SPRED3: variants seen among roughly 807,000 people sequenced by gnomAD.
The protein encoded by SPRED3 is sprouty related EVH1 domain containing 3.
SPRED3 carries 23 observed loss-of-function variants against 37.6 expected under a neutral mutation model. The ratio of observed to expected loss-of-function variants is 0.61; its 90% CI spans 0.44 to 0.87. SPRED3 has a LOEUF of 0.87. Ranked by LOEUF, SPRED3 falls within the 40% of genes least tolerant of loss-of-function variation. SPRED3 has a pLI of 0.00. For synonymous variants in SPRED3, 302 were observed against 279.6 expected (o/e 1.08, Z -0.80); for missense variants, 584 against 618.6 (o/e 0.94, Z 0.59).
chr19:38,393,410 C>G (rs939420111), intron 4 of SPRED3, among the ~76,000 whole-genome samples: 2 of 146,012 alleles, frequency 1.4e-5, no homozygotes, highest in Non-Finnish European at 3.0e-5. Context: ...TGCAGGGGCA[C>G]GATCTTGGCT....
intron 4 of SPRED3, among the ~76,000 whole-genome samples, chr19:38,394,025 A>T (rs1471880526): frequency 6.6e-6 from 1 of 152,232 alleles, no homozygotes; most frequent in Admixed American, 6.5e-5. Flanking sequence ...GGTCTTCGTG[A>T]GTCTGGCACG....
rs369044035 is a variant in SPRED3 at position 38,390,316 on chromosome 19, G to C, written c.14G>C (p.Arg5Pro). 1 of 1,363,996 alleles carries C rather than the reference G, an allele frequency of 7.3e-7. No individual in the cohort carries two copies. Among genetic ancestry groups the C allele is most frequent in the African/African-American group, 1.5e-5 (1 of 66,572 alleles). 84.5% of individuals were successfully genotyped at this position (1,363,996 alleles called of 1,614,324 possible). A position where few individuals can be genotyped will look rare whatever the true frequency, so the allele number is the denominator to read the frequency against. The change falls in exon 2 of 6, where the codon CGA (arginine) becomes CCA (proline). Residue 5 changes from arginine (R) to proline (P), a missense_variant. Arg to Pro is a moderately radical substitution (Grantham distance 103). This residue lies in a region of SPRED3 where 20 missense variants were observed against 39.0 expected (regional missense o/e 0.51). Coordinates refer to ENST00000691638, the MANE Select transcript of SPRED3 (RefSeq NM_001394336.1). ...TCCTGCAGGTACATGGTGCGGGTCC[G>C]AGCTGTGGTGATGGCCCGAGATGAC... is the stretch of plus-strand genomic sequence containing the variant. MVRVRAVVMARDDSS... is the reference protein window; with the variant it reads MVRVPAVVMARDDSS...
chr19:38,394,444 G>A (rs1970868533), intron 4 of SPRED3, 199 bp from the exon 5 acceptor site: 1 of 1,504,016 alleles, frequency 6.6e-7, no homozygotes, highest in Middle Eastern at 1.7e-4. Flanking sequence ...TAGGATCCCC[G>A]TTTTACAGAG....
Position 38,394,639 on chromosome 19 carries a change from C to T in SPRED3, c.424-4C>T, listed in dbSNP as rs1314643984. 6.3e-7 allele frequency: 1 copy of T among 1,593,366 alleles called. No homozygotes were observed. The highest frequency in any genetic ancestry group is 8.5e-7 in the Non-Finnish European group (1 of 1,174,670). ...CCCGCGCTGAGGCCGCCAATCTCCT[C>T]CAGTCCCACGTGGACAGCGACTCCT... On this transcript the variant is annotated splice_region_variant and splice_polypyrimidine_tract_variant and intron_variant, in intron 4 of 5. Transcript: ENST00000691638.
At chr19:38,390,622 T>G in intron 2 of SPRED3, 143 bp downstream of exon 2, 1 of 635,128 alleles carries the variant, frequency 1.6e-6, no homozygotes, top group Non-Finnish European at 2.4e-6. Flanking sequence ...ATCTGTCCTG[T>G]AGATAAGAGT....
rs1346664244 is a variant in SPRED3 at position 38,397,754 on chromosome 19, C to A, written c.*1609C>A. 3 of 152,118 alleles carry A rather than the reference C, an allele frequency of 2.0e-5. No homozygotes were observed. The highest frequency in any genetic ancestry group is 7.2e-5 in the African/African-American group (3 of 41,414). The allele number at this position is 152,118 out of a possible 1,614,324, so 9.4% of individuals were successfully genotyped here. ...TACCCCTTTATCTTAGGGTGGGATCCCTACCATTTGGAACTCATTGTAGGA... is the reference window on the plus strand; with the variant it reads ...TACCCCTTTATCTTAGGGTGGGATCACTACCATTTGGAACTCATTGTAGGA... On this transcript the variant is annotated 3_prime_UTR_variant, in exon 6 of 6. Coordinates refer to ENST00000691638, the MANE Select transcript of SPRED3 (RefSeq NM_001394336.1).
At chr19:38,392,486 G>C (rs1246930615) in intron 4 of SPRED3, 198 bp downstream of exon 4, 1 of 607,892 alleles carries the variant, frequency 1.6e-6, no homozygotes, top group African/African-American at 1.8e-5. Context: ...GTTCATTCAA[G>C]GGTCCTTATT....
At position 38,398,439 on chromosome 19, in the gene SPRED3, T is replaced by C. The variant is rs1289931532; in HGVS notation, c.*2294T>C. The C allele has an allele frequency of 1.3e-5, 2 of 152,192 alleles. No homozygotes were observed. Among genetic ancestry groups the C allele is most frequent in the Non-Finnish European group, 1.5e-5 (1 of 68,074 alleles). 9.4% of individuals were successfully genotyped at this position (152,192 alleles called of 1,614,324 possible). A position where few individuals can be genotyped will look rare whatever the true frequency, so the allele number is the denominator to read the frequency against. ...TTTGAGTAGAGACAGGGTTTCACCA[T>C]GTTGGCCAGGATGGTCTCAAACTCC... On this transcript the variant is annotated 3_prime_UTR_variant, in exon 6 of 6. Coordinates refer to ENST00000691638, the MANE Select transcript of SPRED3 (RefSeq NM_001394336.1).
At chr19:38,389,966 G>A (rs994755520) in intron 1 of SPRED3, 2 of 215,040 alleles carry the variant, frequency 9.3e-6, no homozygotes, top group Admixed American at 6.0e-5. Flanking sequence ...GGAGAAGGGG[G>A]TGATAGGGAT....
At position 38,390,419 on chromosome 19, in the gene SPRED3, C is replaced by G; in HGVS notation, c.117C>G (p.Pro39=). 9.5e-6 allele frequency: 13 copies of G among 1,373,234 alleles called. No homozygotes were observed. The highest frequency in any genetic ancestry group is 1.5e-5 in the African/African-American group (1 of 65,852). The allele number at this position is 1,373,234 out of a possible 1,614,324, so 85.1% of individuals were successfully genotyped here. The part of the protein sequence containing the change: ...VSVCRVRGAR[P]EGGARQGHYV... ...TGTGTCGGGTCCGAGGGGCCAGGCC[C>G]GAGGGGGGGGCCCGCCAGGGGCACT... Residue 39 remains proline, a synonymous_variant, in exon 2 of 6, where the codon CCC becomes CCG. Transcript: ENST00000691638.
intron 4 of SPRED3, 24 bp from the exon 5 acceptor site, chr19:38,394,619 G>C: frequency 6.3e-7 from 1 of 1,577,042 alleles, no homozygotes; most frequent in Non-Finnish European, 8.6e-7. Context: ...GTGTCCCCGC[G>C]CTGAGGCCGC....
At position 38,398,341 on chromosome 19, in the gene SPRED3, A is replaced by G. The variant is rs1428706501; in HGVS notation, c.*2196A>G. 1 of 152,194 alleles carries G rather than the reference A, an allele frequency of 6.6e-6. No individual in the cohort carries two copies. Among genetic ancestry groups the G allele is most frequent in the African/African-American group, 2.4e-5 (1 of 41,426 alleles). The allele number at this position is 152,194 out of a possible 1,614,324, so 9.4% of individuals were successfully genotyped here. ...AACCTCCCCCTCCCGGGTTCAAGCC[A>G]TTCGTCTGCCTCAGCCTCCCGAGTA... On this transcript the variant is annotated 3_prime_UTR_variant, in exon 6 of 6. Coordinates refer to ENST00000691638, the MANE Select transcript of SPRED3 (RefSeq NM_001394336.1).
rs1970809840 is a variant in SPRED3, at chr19:38,390,194, G to C, written c.-4-105G>C. The C allele has an allele frequency of 6.1e-6, 7 of 1,155,416 alleles. No individual in the cohort carries two copies. The African/African-American group carries it at 1.1e-4, about 18-fold the overall frequency. The allele number at this position is 1,155,416 out of a possible 1,614,324, so 71.6% of individuals were successfully genotyped here. A position where few individuals can be genotyped will look rare whatever the true frequency, so the allele number is the denominator to read the frequency against. ...TAGGGTGCAGTGGACCTGGACGTGA[G>C]AGATGAAGTTGGAGGGGAGATGAGG... On this transcript the variant is annotated intron_variant, in intron 1 of 5. Transcript: ENST00000691638.
At position 38,388,721 on chromosome 19, in the gene SPRED3, C is replaced by T; in HGVS notation, c.-91C>T. The T allele has an allele frequency of 5.0e-6, 2 of 397,906 alleles. No individual in the cohort carries two copies. The highest frequency in any genetic ancestry group is 8.9e-6 in the Non-Finnish European group (2 of 225,722). 24.6% of individuals were successfully genotyped at this position (397,906 alleles called of 1,614,324 possible). ...CGGCTCCCGGTGCCCGTCTCCAGCGCCGCCGGAGCCAGCCAGGGAGCCGGA... is the reference window on the plus strand; with the variant it reads ...CGGCTCCCGGTGCCCGTCTCCAGCGTCGCCGGAGCCAGCCAGGGAGCCGGA... On this transcript the variant is annotated 5_prime_UTR_variant, in exon 1 of 6. Transcript: ENST00000691638.
At chr19:38,394,934 C>T in intron 5 of SPRED3, 148 bp downstream of exon 5, 3 of 1,216,546 alleles carry the variant, frequency 2.5e-6, no homozygotes, top group Non-Finnish European at 3.3e-6. Context: ...GAGAAAGCGG[C>T]GGGGAAATAG....
chr19:38,396,023 G>T lies in SPRED3; in HGVS notation c.1111G>T (p.Ala371Ser). The T allele has an allele frequency of 7.3e-7, 1 of 1,371,352 alleles. No individual in the cohort carries two copies. 84.9% of individuals were successfully genotyped at this position (1,371,352 alleles called of 1,614,324 possible). Residue 371 changes from alanine (A) to serine (S), a missense_variant, in exon 6 of 6, where the codon GCC (alanine) becomes TCC (serine). By Grantham distance (99) the Ala-to-Ser change is moderately conservative (BLOSUM62 1). Transcript: ENST00000691638. ...PRPAARWAALAALSLAVPCLC... is the reference protein window; with the variant it reads ...PRPAARWAALSALSLAVPCLC... ...CCCCGCCGCGCGCTGGGCCGCGCTG[G>T]CCGCGCTCTCCCTGGCAGTGCCCTG... is the stretch of plus-strand genomic sequence containing the variant.
Position 38,390,493 on chromosome 19 carries a change from G to C in SPRED3, c.177+14G>C, listed in dbSNP as rs1008741966. 53 of 1,346,846 alleles carry C rather than the reference G, an allele frequency of 3.9e-5. No homozygotes were observed. Among genetic ancestry groups the C allele is most frequent in the Non-Finnish European group, 4.8e-5 (50 of 1,044,588 alleles). 83.4% of individuals were successfully genotyped at this position (1,346,846 alleles called of 1,614,324 possible). A position where few individuals can be genotyped will look rare whatever the true frequency, so the allele number is the denominator to read the frequency against. On this transcript the variant is annotated intron_variant, in intron 2 of 5. Transcript: ENST00000691638. ...CGGGACCAGAAAGTGAGCCACCCTG[G>C]GGCATGCGGGGAGGGTAGGGACCTG...
rs1970878733 is a variant in SPRED3 at position 38,395,082 on chromosome 19, C to G, written c.567+296C>G. ...TTTCAGAGTGTATATTTGGGGAACT[C>G]CTGGAAGAGGACTGTTAAATTCACG... On this transcript the variant is annotated intron_variant, in intron 5 of 5. Coordinates refer to ENST00000691638, the MANE Select transcript of SPRED3 (RefSeq NM_001394336.1). The surrounding 1 kb of genome is among the most constrained non-coding windows in gnomAD (Gnocchi z 5.2). 6.6e-6 allele frequency among the ~76,000 whole-genome samples: 1 copy of G among 152,062 alleles called. No individual in the cohort carries two copies. The highest frequency in any genetic ancestry group is 1.5e-5 in the Non-Finnish European group (1 of 68,020).
At position 38,392,259 on chromosome 19, in the gene SPRED3, G is replaced by A. The variant is rs1193280168; in HGVS notation, c.394G>A (p.Asp132Asn). The change falls in exon 4 of 6, where the codon GAT (aspartate) becomes AAT (asparagine). Residue 132 changes from aspartate (D) to asparagine (N), a missense_variant. By Grantham distance (23) the Asp-to-Asn change is conservative (BLOSUM62 1). Coordinates refer to ENST00000691638, the MANE Select transcript of SPRED3 (RefSeq NM_001394336.1). ...CTCCTCCTCCTCCTCTCCTTCCCAGGATACTGCAGAGACCCCCTGCCCTCT... is the reference window on the plus strand; with the variant it reads ...CTCCTCCTCCTCCTCTCCTTCCCAGAATACTGCAGAGACCCCCTGCCCTCT... ...SSSSSSSPSQ[D>N]TAETPCPLTS... 6.3e-7 allele frequency: 1 copy of A among 1,587,668 alleles called. No homozygotes were observed. The highest frequency in any genetic ancestry group is 8.6e-7 in the Non-Finnish European group (1 of 1,167,134).
Sources: gnomAD v4.1 joint callset for allele counts (sites outside exome capture counted in the v4.1 genomes callset) on GRCh38, gnomAD v4.1.1 for gene constraint, gnomAD v4.1.1 regional missense constraint, Gnocchi (gnomAD v3.1) non-coding constraint, MANE v1.5 for transcripts, NCBI Gene and HGNC (gene_info 2026-07-23, HGNC 2026-07-21) for gene names.